Variants in DOCK3 observed in about 807,000 individuals in gnomAD.
DOCK3 encodes the protein dedicator of cytokinesis protein 3.
DOCK3 carries 60 observed loss-of-function variants against 265.6 expected under a neutral mutation model. The ratio of observed to expected loss-of-function variants is 0.23; its 90% CI spans 0.18 to 0.28. The LOEUF (loss-of-function observed/expected upper bound fraction) is 0.28, where lower values mean the gene tolerates loss of function less well. Ranked by LOEUF, DOCK3 falls within the 10% of genes least tolerant of loss-of-function variation. DOCK3 has a pLI of 1.00. For synonymous variants in DOCK3, 881 were observed against 938.0 expected (o/e 0.94, Z 1.11); for missense variants, 1,981 against 2,594.3 (o/e 0.76, Z 5.14).
At chr3:50,873,180 A>G (rs1236822860) in intron 3 of DOCK3, among the ~76,000 whole-genome samples, 2 of 152,180 alleles carry the variant, frequency 1.3e-5, no homozygotes, top group African/African-American at 4.8e-5. Context: ...TTCTCACCCA[A>G]GACCCTTGAT....
chr3:51,275,189 G>A lies in DOCK3; in HGVS notation c.2659G>A (p.Val887Ile), dbSNP rs191564871. ...GATTCTTGGCAGCATCTTCTCCATC[G>A]TCAAGACCAGCTCTCTGGTAGTGGC... ...SGILGSIFSI[V>I]KTSSLEADVM... is the part of the protein sequence containing the mutation. The change falls in exon 25 of 53, where the codon GTC becomes ATC. Residue 887 changes from valine to isoleucine, a missense_variant. By Grantham distance (29) the Val-to-Ile change is conservative. Around this residue, in one of 4 missense-constraint regions of DOCK3, gnomAD observed 1,357 missense variants for 1,866.8 expected, o/e 0.73. Transcript: ENST00000266037. 1.6e-5 allele frequency: 26 copies of A among 1,613,826 alleles called. No homozygotes were observed. Among genetic ancestry groups the A allele is most frequent in the Admixed American group, 8.3e-5 (5 of 60,014 alleles).
chr3:51,381,570 G>A lies in DOCK3; in HGVS notation c.*11G>A. ...CGAGGGGAGCAGTGAGGGGCAACGA[G>A]GCGGCTGGGATGCCGCCCTCAGTAA... On this transcript the variant is annotated 3_prime_UTR_variant, in exon 53 of 53. Transcript: ENST00000266037. The surrounding 1 kb of genome is among the most constrained non-coding windows in gnomAD (Gnocchi z 5.6). 2 of 1,496,184 alleles carry A rather than the reference G, an allele frequency of 1.3e-6. No homozygotes were observed. Among genetic ancestry groups the A allele is most frequent in the Non-Finnish European group, 1.8e-6 (2 of 1,127,538 alleles). The allele number at this position is 1,496,184 out of a possible 1,614,324, so 92.7% of individuals were successfully genotyped here. A position where few individuals can be genotyped will look rare whatever the true frequency, so the allele number is the denominator to read the frequency against.
At chr3:51,301,739 G>T (rs1452741566) in intron 27 of DOCK3, among the ~76,000 whole-genome samples, 1 of 152,118 alleles carries the variant, frequency 6.6e-6, no homozygotes, top group Non-Finnish European at 1.5e-5. Context: ...TAGTTGTGTG[G>T]TTTTTAGTGA....
intron 7 of DOCK3, among the ~76,000 whole-genome samples, chr3:51,081,025 C>T (rs1275576857): frequency 6.6e-6 from 1 of 151,254 alleles, no homozygotes; most frequent in African/African-American, 2.4e-5. Context: ...TCATATATAT[C>T]ATGGGGACAT....
At chr3:51,341,594 T>C (rs1560467979) in intron 38 of DOCK3, among the ~76,000 whole-genome samples, 1 of 152,212 alleles carries the variant, frequency 6.6e-6, no homozygotes, top group Non-Finnish European at 1.5e-5. Context: ...TTGAAAGCCA[T>C]ATCCAGATTG....
rs540261518 is a variant in DOCK3, at chr3:51,129,926, C to G, written c.747-16623C>G. Among the ~76,000 whole-genome samples the G allele has an allele frequency of 4.6e-5, 7 of 152,300 alleles. No homozygotes were observed. The South Asian group carries it at 1.2e-3, about 27-fold the overall frequency. On this transcript the variant is annotated intron_variant, in intron 9 of 52. Transcript: ENST00000266037. ...GACCCCACTCAAAACGGTCAGGTCACTTGATAAATGTGCCGGAGTAACACA... is the reference window on the plus strand; with the variant it reads ...GACCCCACTCAAAACGGTCAGGTCAGTTGATAAATGTGCCGGAGTAACACA...
intron 5 of DOCK3, among the ~76,000 whole-genome samples, chr3:51,007,728 T>C (rs1349919663): frequency 1.2e-5 from 1 of 81,218 alleles, no homozygotes; most frequent in Non-Finnish European, 2.3e-5. Context: ...TGCCTAGGTT[T>C]TCTTCTAGGG....
intron 10 of DOCK3, among the ~76,000 whole-genome samples, chr3:51,153,934 C>A (rs1209187492): frequency 1.3e-5 from 2 of 152,128 alleles, no homozygotes; most frequent in African/African-American, 2.4e-5. Flanking sequence ...ATTGTGGATT[C>A]TTTGATCTGT....
chr3:50,888,327 A>G (rs978287350), intron 3 of DOCK3, among the ~76,000 whole-genome samples: 3 of 152,308 alleles, frequency 2.0e-5, no homozygotes, highest in East Asian at 1.9e-4. Context: ...CTCTTCAAGG[A>G]GAACTACAAA....
chr3:51,057,485 C>G (rs138457138), intron 5 of DOCK3, among the ~76,000 whole-genome samples: 14 of 152,314 alleles, frequency 9.2e-5, no homozygotes, highest in Middle Eastern at 3.4e-3. Flanking sequence ...TGCCAGAAAA[C>G]AAAACCTGTA....
intron 1 of DOCK3, among the ~76,000 whole-genome samples, chr3:50,711,665 C>G (rs543432856): frequency 6.6e-6 from 1 of 152,064 alleles, no homozygotes; most frequent in Non-Finnish European, 1.5e-5. Flanking sequence ...TTGTCTTGTT[C>G]TGATATTAGG....
chr3:50,699,010 G>T (rs1168201803), intron 1 of DOCK3, among the ~76,000 whole-genome samples: 1 of 152,064 alleles, frequency 6.6e-6, no homozygotes, highest in Non-Finnish European at 1.5e-5. Flanking sequence ...TTTTTCTTTT[G>T]TTGTCAGTGC....
intron 35 of DOCK3, among the ~76,000 whole-genome samples, chr3:51,337,958 G>A (rs2084976261): frequency 6.6e-6 from 1 of 152,200 alleles, no homozygotes; most frequent in Non-Finnish European, 1.5e-5. Context: ...GAGGGTCTTG[G>A]CTTCTATTCA....
At chr3:51,098,522 G>A (rs2082956996) in intron 9 of DOCK3, among the ~76,000 whole-genome samples, 1 of 152,140 alleles carries the variant, frequency 6.6e-6, no homozygotes, top group Admixed American at 6.5e-5. Context: ...AAAATCTTAG[G>A]GGACCCTGGA....
intron 37 of DOCK3, among the ~76,000 whole-genome samples, 192 bp from the exon 38 acceptor site, chr3:51,341,045 T>C (rs1213113780): frequency 1.3e-5 from 2 of 152,236 alleles, no homozygotes; most frequent in African/African-American, 4.8e-5. Context: ...ATTTGGCTCC[T>C]TCATGCTGTG....
intron 27 of DOCK3, among the ~76,000 whole-genome samples, chr3:51,307,601 T>C (rs778969175): frequency 1.1e-4 from 16 of 152,168 alleles, no homozygotes; most frequent in Non-Finnish European, 1.6e-4. Context: ...GCTCCAGCAC[T>C]TTTCAGTTCA....
chr3:50,982,620 C>T (rs1412507474), intron 5 of DOCK3, among the ~76,000 whole-genome samples: 1 of 152,202 alleles, frequency 6.6e-6, no homozygotes, highest in Admixed American at 6.5e-5. Flanking sequence ...AGAGAGGGTA[C>T]AGGGAGGAGG....
At chr3:51,142,220 A>G (rs1469415001) in intron 9 of DOCK3, among the ~76,000 whole-genome samples, 1 of 152,090 alleles carries the variant, frequency 6.6e-6, no homozygotes, top group African/African-American at 2.4e-5. Flanking sequence ...GGTGTATCCC[A>G]TCTTTTTTTG....
chr3:51,090,494 A>G, intron 9 of DOCK3, 110 bp downstream of exon 9: 4 of 1,170,024 alleles, frequency 3.4e-6, no homozygotes, highest in Non-Finnish European at 3.4e-6. Context: ...AACAAGATAA[A>G]GTAACCTCAT....
Sources: allele counts gnomAD v4.1 joint callset (sites outside exome capture counted in the v4.1 genomes callset), GRCh38; gene constraint gnomAD v4.1.1; regional missense constraint gnomAD v4.1.1; non-coding constraint Gnocchi (gnomAD v3.1); transcripts MANE v1.5; gene names NCBI Gene and HGNC (gene_info 2026-07-23, HGNC 2026-07-21).